PRKAR2A: variants seen among roughly 807,000 people sequenced by gnomAD.
PRKAR2A encodes protein kinase cAMP-dependent type II regulatory subunit alpha.
In PRKAR2A, 29 loss-of-function variants were observed where a neutral mutation model predicts 51.9. That is an observed-to-expected ratio of 0.56 (90% CI 0.42 to 0.76). The LOEUF is 0.76. Ranked by LOEUF, PRKAR2A falls within the 30% of genes least tolerant of loss-of-function variation. PRKAR2A has a pLI of 0.00. For synonymous variants in PRKAR2A, 178 were observed against 186.2 expected (o/e 0.96, Z 0.36); for missense variants, 445 against 512.1 (o/e 0.87, Z 1.26).
In PRKAR2A at chr3:48,747,280, AATAAAAG is replaced by A. The variant is rs1312404411; in HGVS notation, c.*4298_*4304del. The A allele has an allele frequency of 6.6e-6, 1 of 152,142 alleles. No homozygotes were observed. Among genetic ancestry groups the A allele is most frequent in the African/African-American group, 2.4e-5 (1 of 41,418 alleles). 9.4% of individuals were successfully genotyped at this position (152,142 alleles called of 1,614,324 possible). ...AAAATTCCAACATCAGCCAACTGAAAATAAAAGATAAAAGATGACATTCATGGATCTT... is the reference window on the plus strand; with the variant it reads ...AAAATTCCAACATCAGCCAACTGAAAATAAAAGATGACATTCATGGATCTT... On this transcript the variant is annotated 3_prime_UTR_variant, in exon 11 of 11. Transcript: ENST00000265563.
At chr3:48,759,780 C>A (rs2081836248) in intron 8 of PRKAR2A, among the ~76,000 whole-genome samples, 1 of 152,204 alleles carries the variant, frequency 6.6e-6, no homozygotes, top group Admixed American at 6.6e-5. Flanking sequence ...AGAAGCCAGA[C>A]TGTACTGCAT....
chr3:48,767,591 A>C (rs570198951), intron 6 of PRKAR2A, among the ~76,000 whole-genome samples: 3 of 152,154 alleles, frequency 2.0e-5, no homozygotes, highest in Admixed American at 2.0e-4. Context: ...GGAATTCAAG[A>C]CCAGCCTGGG....
chr3:48,788,523 T>C (rs752282695), intron 4 of PRKAR2A, among the ~76,000 whole-genome samples: 10 of 152,090 alleles, frequency 6.6e-5, no homozygotes, highest in African/African-American at 9.7e-5. Context: ...TAGAGAAGAA[T>C]AGAGAAGAAA....
At chr3:48,792,643 T>C (rs1461713052) in intron 3 of PRKAR2A, among the ~76,000 whole-genome samples, 1 of 150,842 alleles carries the variant, frequency 6.6e-6, no homozygotes, top group Non-Finnish European at 1.5e-5. Flanking sequence ...TGTATTTTAG[T>C]AGAGACAAGG....
At chr3:48,768,052 TGAGGTGGG>T (rs1182855800) in intron 6 of PRKAR2A, among the ~76,000 whole-genome samples, 4 of 151,480 alleles carry the variant, frequency 2.6e-5, no homozygotes, top group African/African-American at 4.9e-5. Context: ...TTTGGGAGGC[TGAGGTGGG>T]GAGGTGGGTG....
At chr3:48,802,472 A>G (rs761387588) in intron 2 of PRKAR2A, among the ~76,000 whole-genome samples, 1 of 152,158 alleles carries the variant, frequency 6.6e-6, no homozygotes, top group Non-Finnish European at 1.5e-5. Context: ...AAAAAGTCTG[A>G]TTAGAATAGG....
intron 5 of PRKAR2A, among the ~76,000 whole-genome samples, chr3:48,780,637 T>C (rs987281624): frequency 4.8e-5 from 7 of 144,796 alleles, no homozygotes; most frequent in African/African-American, 1.8e-4. Context: ...TTCCTCTGAG[T>C]GTAATAATTT....
intron 2 of PRKAR2A, among the ~76,000 whole-genome samples, chr3:48,795,170 G>A (rs1053599615): frequency 6.6e-6 from 1 of 152,032 alleles, no homozygotes; most frequent in Non-Finnish European, 1.5e-5. Context: ...TAGAGACAGG[G>A]TTTCACCGTG....
At chr3:48,846,557 G>T (rs1458403942) in intron 1 of PRKAR2A, among the ~76,000 whole-genome samples, 2 of 152,104 alleles carry the variant, frequency 1.3e-5, no homozygotes, top group Non-Finnish European at 2.9e-5. Flanking sequence ...TGTCTATTTT[G>T]CCCAGGCTGG....
At chr3:48,835,918 C>T (rs922613401) in intron 1 of PRKAR2A, among the ~76,000 whole-genome samples, 5 of 152,130 alleles carry the variant, frequency 3.3e-5, no homozygotes, top group African/African-American at 9.7e-5. Flanking sequence ...GTGATATTAG[C>T]ATGTGGTCAG....
At chr3:48,831,789 G>A (rs1252490409) in intron 1 of PRKAR2A, among the ~76,000 whole-genome samples, 1 of 151,808 alleles carries the variant, frequency 6.6e-6, no homozygotes, top group African/African-American at 2.4e-5. Flanking sequence ...GCTAATTTTT[G>A]TATGTTTAGT....
intron 6 of PRKAR2A, among the ~76,000 whole-genome samples, chr3:48,766,258 A>G (rs1158581113): frequency 6.6e-6 from 1 of 151,470 alleles, no homozygotes; most frequent in East Asian, 1.9e-4. Flanking sequence ...ACAACAAAAT[A>G]CATAGGAATA....
chr3:48,845,404 T>C (rs1251956868), intron 1 of PRKAR2A, among the ~76,000 whole-genome samples: 1 of 152,184 alleles, frequency 6.6e-6, no homozygotes, highest in Non-Finnish European at 1.5e-5. Context: ...CAATGACCGT[T>C]AATTAACTCC....
At chr3:48,823,992 G>A (rs1374942362) in intron 1 of PRKAR2A, among the ~76,000 whole-genome samples, 1 of 152,166 alleles carries the variant, frequency 6.6e-6, no homozygotes, top group African/African-American at 2.4e-5. Context: ...TGTAATCCCA[G>A]CACTTTGGGA....
At chr3:48,833,665 G>A (rs1219611199) in intron 1 of PRKAR2A, among the ~76,000 whole-genome samples, 3 of 150,102 alleles carry the variant, frequency 2.0e-5, no homozygotes, top group Non-Finnish European at 3.0e-5. Context: ...AGCCAAGATC[G>A]CGCCATTGCA....
chr3:48,754,398 C>T (rs755616138), intron 9 of PRKAR2A, among the ~76,000 whole-genome samples: 8 of 151,926 alleles, frequency 5.3e-5, no homozygotes, highest in African/African-American at 9.7e-5. Flanking sequence ...CCACCACGCC[C>T]GGCTAATTTT....
intron 1 of PRKAR2A, among the ~76,000 whole-genome samples, chr3:48,833,189 C>T (rs2083223166): frequency 6.6e-6 from 1 of 152,170 alleles, no homozygotes; most frequent in Non-Finnish European, 1.5e-5. Context: ...GTGCACATCA[C>T]CATAACCCAG....
At chr3:48,780,869 TA>T (rs1377499842) in intron 5 of PRKAR2A, among the ~76,000 whole-genome samples, 1 of 152,180 alleles carries the variant, frequency 6.6e-6, no homozygotes, top group African/African-American at 2.4e-5. Context: ...TTGTGTTTTT[TA>T]TAATTGTTCT....
At position 48,814,943 on chromosome 3, in the gene PRKAR2A, G is replaced by A. The variant is rs183068168; in HGVS notation, c.263-7259C>T. Among the ~76,000 whole-genome samples, 6 of 152,086 alleles carry A rather than the reference G, an allele frequency of 3.9e-5. 1 individual carries two copies. The highest frequency in any genetic ancestry group is 2.1e-4 in the South Asian group (1 of 4,812). On this transcript the variant is annotated intron_variant, in intron 1 of 10. Coordinates refer to ENST00000265563, the MANE Select transcript of PRKAR2A (RefSeq NM_004157.4). ...TGTTTTATTTTTGAGACAGAGTCTC[G>A]CTCTGTTGCCCAGGCTGGAATGCAA...
Sources: allele counts gnomAD v4.1 joint callset (sites outside exome capture counted in the v4.1 genomes callset), GRCh38; gene constraint gnomAD v4.1.1; transcripts MANE v1.5; gene names NCBI Gene and HGNC (gene_info 2026-07-23, HGNC 2026-07-21).